The following CSMD3 variants were observed in gnomAD, a reference collection of about 807,000 sequenced individuals.
CSMD3 encodes CUB and sushi domain-containing protein 3.
In CSMD3, 177 loss-of-function variants were observed where a neutral mutation model predicts 435.2. The observed-to-expected ratio is 0.41, with a 90% CI of 0.36 to 0.46. The LOEUF (loss-of-function observed/expected upper bound fraction) is 0.46. CSMD3 is among the 20% of genes least tolerant of loss of function. The probability of loss-of-function intolerance (pLI) is 0.34; values close to 1 mark genes in which losing one functional copy is unlikely to be tolerated. For synonymous variants in CSMD3, 1,656 were observed against 1,520.5 expected (o/e 1.09, Z -2.07); for missense variants, 4,265 against 4,504.6 (o/e 0.95, Z 1.52).
At chr8:113,120,718 T>C (rs2090962198) in intron 4 of CSMD3, among the ~76,000 whole-genome samples, 1 of 152,144 alleles carries the variant, frequency 6.6e-6, no homozygotes, top group Non-Finnish European at 1.5e-5. Context: ...TCCTCTGAAA[T>C]CTTGCCACTG....
chr8:112,519,573 T>C (rs1657762486), intron 27 of CSMD3, among the ~76,000 whole-genome samples: 1 of 152,184 alleles, frequency 6.6e-6, no homozygotes, highest in African/African-American at 2.4e-5. Flanking sequence ...TTAGAAATAA[T>C]AATAGTCACA....
At chr8:112,523,866 G>T (rs1824571941) in intron 27 of CSMD3, among the ~76,000 whole-genome samples, 1 of 152,034 alleles carries the variant, frequency 6.6e-6, no homozygotes, top group Admixed American at 6.6e-5. Flanking sequence ...CTAATGATAT[G>T]GCAAGTCAGG....
intron 6 of CSMD3, among the ~76,000 whole-genome samples, chr8:113,007,165 T>A (rs2086089141): frequency 6.6e-6 from 1 of 151,984 alleles, no homozygotes; most frequent in Admixed American, 6.6e-5. Context: ...AAGAAAAATT[T>A]GACCTTGAAT....
chr8:113,289,143 A>G (rs972071597), intron 2 of CSMD3, among the ~76,000 whole-genome samples: 1 of 151,582 alleles, frequency 6.6e-6, no homozygotes, highest in African/African-American at 2.4e-5. Flanking sequence ...CCTTCCCTTT[A>G]AGTCCCTGTC....
intron 42 of CSMD3, 101 bp downstream of exon 42, chr8:112,341,376 T>TTTTTTTTTTTTTTTTTTTTTTTTA: frequency 1.2e-6 from 1 of 853,054 alleles, no homozygotes. Context: ...TTTTTTTTTT[T>TTTTTTTTTTTTTTTTTTTTTTTTA]CTTTCTAAAA....
intron 35 of CSMD3, among the ~76,000 whole-genome samples, chr8:112,400,305 C>T (rs1831209352): frequency 6.6e-6 from 1 of 152,140 alleles, no homozygotes. Flanking sequence ...GAAAATATCC[C>T]TGGTGTTGCT....
At chr8:112,555,222 A>C (rs1330569355) in intron 25 of CSMD3, among the ~76,000 whole-genome samples, 1 of 151,988 alleles carries the variant, frequency 6.6e-6, no homozygotes, top group African/African-American at 2.4e-5. Context: ...AAACCTTCTG[A>C]TCTCATACTA....
At chr8:112,276,598 T>C (rs1484506657) in intron 59 of CSMD3, among the ~76,000 whole-genome samples, 1 of 151,932 alleles carries the variant, frequency 6.6e-6, no homozygotes, top group Non-Finnish European at 1.5e-5. Context: ...TCCTACTGTG[T>C]GCAGTCTAGG....
At chr8:112,232,142 G>A (rs528703360) in intron 68 of CSMD3, among the ~76,000 whole-genome samples, 12 of 152,210 alleles carry the variant, frequency 7.9e-5, no homozygotes, top group South Asian at 2.1e-4. Context: ...ATCACACCAA[G>A]TGGAAGAAGC....
At chr8:112,860,509 C>A (rs2080797671) in intron 10 of CSMD3, among the ~76,000 whole-genome samples, 1 of 151,684 alleles carries the variant, frequency 6.6e-6, no homozygotes, top group Non-Finnish European at 1.5e-5. Context: ...TCTATGCTCA[C>A]TACTCCATTT....
Position 113,369,440 on chromosome 8 carries a change from T to G in CSMD3, c.179-54647A>C, listed in dbSNP as rs187809006. 3.9e-5 allele frequency among the ~76,000 whole-genome samples: 6 copies of G among 152,128 alleles called. No individual in the cohort carries two copies. The East Asian group carries it at 1.2e-3, about 29-fold the overall frequency. On this transcript the variant is annotated intron_variant, in intron 1 of 70. Coordinates refer to ENST00000297405, the MANE Select transcript of CSMD3 (RefSeq NM_198123.2). The stretch of plus-strand genomic sequence containing the variant: ...AAGGATGTGAAAAAAAAGGAAACTG[T>G]TGTACATTGTTGGTGTGGACGTAAG...
chr8:113,371,560 A>G (rs1366083618), intron 1 of CSMD3, among the ~76,000 whole-genome samples: 1 of 152,104 alleles, frequency 6.6e-6, no homozygotes, highest in Non-Finnish European at 1.5e-5. Context: ...TTGCTTTTGC[A>G]CTGCTCAGAT....
At chr8:112,639,999 G>A (rs1471681984) in intron 20 of CSMD3, among the ~76,000 whole-genome samples, 2 of 152,076 alleles carry the variant, frequency 1.3e-5, no homozygotes, top group African/African-American at 4.8e-5. Flanking sequence ...AACAAATACT[G>A]TTTTACAAAG....
At chr8:112,758,079 G>A (rs543483087) in intron 13 of CSMD3, among the ~76,000 whole-genome samples, 1 of 152,152 alleles carries the variant, frequency 6.6e-6, no homozygotes, top group South Asian at 2.1e-4. Flanking sequence ...AAGGGGCCGG[G>A]TGCGGTTGCT....
intron 8 of CSMD3, among the ~76,000 whole-genome samples, chr8:112,952,467 T>C (rs1266267277): frequency 6.6e-6 from 1 of 151,666 alleles, no homozygotes; most frequent in Non-Finnish European, 1.5e-5. Flanking sequence ...GTTGAATAAA[T>C]AATATTAAAG....
At chr8:112,724,096 A>T (rs1752164063) in intron 13 of CSMD3, among the ~76,000 whole-genome samples, 1 of 152,096 alleles carries the variant, frequency 6.6e-6, no homozygotes, top group South Asian at 2.1e-4. Context: ...GATGAAAAAA[A>T]TGAAGCAGAA....
chr8:113,348,363 A>G (rs923159864), intron 1 of CSMD3, among the ~76,000 whole-genome samples: 4 of 152,256 alleles, frequency 2.6e-5, no homozygotes, highest in East Asian at 1.9e-4. Context: ...AGCTTTATAC[A>G]TGGTAGTAGA....
chr8:112,597,216 C>T (rs1376118518), intron 22 of CSMD3, among the ~76,000 whole-genome samples: 2 of 151,570 alleles, frequency 1.3e-5, no homozygotes, highest in Non-Finnish European at 3.0e-5. Context: ...ATACAAACTA[C>T]CATCAGAGAA....
intron 13 of CSMD3, among the ~76,000 whole-genome samples, chr8:112,771,278 G>A (rs899164389): frequency 4.6e-5 from 7 of 151,972 alleles, no homozygotes; most frequent in Admixed American, 3.3e-4. Context: ...GGTGGTTTAC[G>A]CCTATAATCC....
Sources: allele counts gnomAD v4.1 joint callset (sites outside exome capture counted in the v4.1 genomes callset), GRCh38; gene constraint gnomAD v4.1.1; transcripts MANE v1.5; gene names NCBI Gene and HGNC (gene_info 2026-07-23, HGNC 2026-07-21).